DGKB: variants seen among roughly 807,000 people sequenced by gnomAD.
DGKB encodes 90 kDa diacylglycerol kinase.
A neutral mutation model predicts 114.3 loss-of-function variants in DGKB; 67 were observed. The ratio of observed to expected loss-of-function variants is 0.59; its 90% confidence interval spans 0.48 to 0.72. DGKB has a LOEUF of 0.72. DGKB is among the 30% of genes least tolerant of loss of function. DGKB has a pLI of 0.00. For synonymous variants in DGKB, 398 were observed against 323.1 expected (o/e 1.23, Z -2.49); for missense variants, 907 against 975.2 (o/e 0.93, Z 0.93).
intron 21 of DGKB, among the ~76,000 whole-genome samples, chr7:14,396,750 A>G (rs1257760647): frequency 6.6e-6 from 1 of 152,148 alleles, no homozygotes; most frequent in African/African-American, 2.4e-5. Context: ...ATATGCTTCA[A>G]TCCACACCAA....
chr7:14,877,590 A>G (rs17150076), intron 1 of DGKB, among the ~76,000 whole-genome samples: 2,706 of 152,212 alleles, frequency 0.018, 84 homozygotes, highest in African/African-American at 0.062. Context: ...GTAAAGAAAA[A>G]TTTTATTTTG....
chr7:14,762,229 A>G lies in DGKB; in HGVS notation c.71-4498T>C, dbSNP rs1194635665. Among the ~76,000 whole-genome samples the G allele has an allele frequency of 2.0e-5, 3 of 152,206 alleles. No individual in the cohort carries two copies. The East Asian group carries it at 5.8e-4, about 30-fold the overall frequency. Reference sequence around the variant, plus strand: ...GCAAACATTCTTGGAATGAGCTGGGAAAGAACAAAGAAAATGTTTATGGGG... The same window carrying G: ...GCAAACATTCTTGGAATGAGCTGGGGAAGAACAAAGAAAATGTTTATGGGG... On this transcript the variant is annotated intron_variant, in intron 2 of 25. Transcript: ENST00000402815.
chr7:14,165,588 A>T (rs1308662895), intron 25 of DGKB, among the ~76,000 whole-genome samples: 4 of 152,194 alleles, frequency 2.6e-5, no homozygotes, highest in Non-Finnish European at 5.9e-5. Context: ...TTGTTTCTTG[A>T]ACTAAAAATT....
intron 23 of DGKB, among the ~76,000 whole-genome samples, chr7:14,275,291 A>C (rs918376848): frequency 6.6e-6 from 1 of 152,176 alleles, no homozygotes. Flanking sequence ...CTCCTAATAC[A>C]GGCCCTGGTA....
At chr7:14,858,295 T>C (rs1435394117) in intron 1 of DGKB, among the ~76,000 whole-genome samples, 2 of 152,194 alleles carry the variant, frequency 1.3e-5, no homozygotes, top group East Asian at 3.9e-4. Context: ...AGCAGATATC[T>C]AAGTTCAAGA....
At chr7:14,520,982 A>G (rs1211978312) in intron 20 of DGKB, among the ~76,000 whole-genome samples, 4 of 152,034 alleles carry the variant, frequency 2.6e-5, no homozygotes, top group Admixed American at 2.0e-4. Flanking sequence ...TACTATTCCT[A>G]TATGAGAGGG....
chr7:14,258,199 G>C (rs1796227496), intron 23 of DGKB, among the ~76,000 whole-genome samples: 2 of 152,188 alleles, frequency 1.3e-5, no homozygotes, highest in Admixed American at 1.3e-4. Flanking sequence ...TTGTAGAACA[G>C]TACGACTTTG....
intron 2 of DGKB, among the ~76,000 whole-genome samples, chr7:14,801,196 G>A (rs1477887557): frequency 6.6e-6 from 1 of 152,088 alleles, no homozygotes; most frequent in Non-Finnish European, 1.5e-5. Context: ...GAGAAGAGTA[G>A]ACATCACTCC....
chr7:14,967,644 T>G (rs1055751512), intron 1 of DGKB, among the ~76,000 whole-genome samples: 1 of 132,578 alleles, frequency 7.5e-6, no homozygotes, highest in African/African-American at 3.1e-5. Flanking sequence ...TACAAGCATG[T>G]GATTTATTAA....
chr7:14,703,500 T>G (rs1825584423), intron 6 of DGKB, among the ~76,000 whole-genome samples: 1 of 152,162 alleles, frequency 6.6e-6, no homozygotes. Context: ...CTAGATACCT[T>G]TTCTTTACTA....
At chr7:14,878,673 C>T (rs1387716338) in intron 1 of DGKB, among the ~76,000 whole-genome samples, 2 of 144,634 alleles carry the variant, frequency 1.4e-5, no homozygotes, top group African/African-American at 2.5e-5. Context: ...GGCGTGAACC[C>T]GGGAGGCGGA....
At chr7:14,832,418 A>C (rs1304486363) in intron 2 of DGKB, among the ~76,000 whole-genome samples, 1 of 152,078 alleles carries the variant, frequency 6.6e-6, no homozygotes, top group Non-Finnish European at 1.5e-5. Flanking sequence ...TACTTTAGTT[A>C]TAATCCTTCC....
At chr7:14,339,958 CA>C (rs1225460404) in intron 22 of DGKB, among the ~76,000 whole-genome samples, 5 of 150,964 alleles carry the variant, frequency 3.3e-5, no homozygotes, top group Admixed American at 1.3e-4. Flanking sequence ...CAAAACAAAA[CA>C]AAAAAAAGCC....
intron 8 of DGKB, among the ~76,000 whole-genome samples, chr7:14,696,501 CAAAAAAAAAA>C (rs35486620): frequency 1.6e-4 from 7 of 45,074 alleles, no homozygotes; most frequent in East Asian, 2.1e-3. Context: ...GACTCCGTCT[CAAAAAAAAAA>C]AAAAAAAAAA....
At chr7:14,589,594 CTATCA>C (rs1801345268) in intron 17 of DGKB, among the ~76,000 whole-genome samples, 1 of 151,786 alleles carries the variant, frequency 6.6e-6, no homozygotes, top group African/African-American at 2.4e-5. Flanking sequence ...TCTTCTACTC[CTATCA>C]TAAGAATTTT....
At chr7:14,485,288 T>C (rs948532296) in intron 20 of DGKB, among the ~76,000 whole-genome samples, 63 of 145,540 alleles carry the variant, frequency 4.3e-4, no homozygotes, top group African/African-American at 1.6e-3. Flanking sequence ...CTTTTAGAAC[T>C]AATGCTCATG....
At chr7:14,477,406 G>A (rs895001870) in intron 21 of DGKB, among the ~76,000 whole-genome samples, 1 of 152,160 alleles carries the variant, frequency 6.6e-6, no homozygotes, top group Non-Finnish European at 1.5e-5. Flanking sequence ...AGAAATGCTA[G>A]TTATGGTTTT....
chr7:14,821,115 A>C (rs1318527067), intron 2 of DGKB, among the ~76,000 whole-genome samples: 1 of 152,168 alleles, frequency 6.6e-6, no homozygotes, highest in East Asian at 1.9e-4. Context: ...CCTTTGACTA[A>C]AAAGGGTAAA....
At chr7:14,583,016 C>G (rs757841919) in intron 18 of DGKB, 36 bp downstream of exon 18, 5 of 1,340,454 alleles carry the variant, frequency 3.7e-6, no homozygotes, top group Non-Finnish European at 5.4e-6. Context: ...AGCTATTGCT[C>G]TCTCCCCAGC....
Sources: gnomAD v4.1 joint callset for allele counts (sites outside exome capture counted in the v4.1 genomes callset) on GRCh38, gnomAD v4.1.1 for gene constraint, MANE v1.5 for transcripts, NCBI Gene and HGNC (gene_info 2026-07-23, HGNC 2026-07-21) for gene names.